Variants in CNTN5 observed in about 807,000 individuals in gnomAD.
CNTN5 encodes contactin 5.
A neutral mutation model predicts 129.1 loss-of-function variants in CNTN5; 77 were observed. The ratio of observed to expected loss-of-function variants is 0.60; its 90% CI spans 0.50 to 0.72. CNTN5 has a LOEUF of 0.72. Among genes scored for constraint, CNTN5 ranks in the 30% least tolerant of loss-of-function variants. The pLI, the probability that CNTN5 is intolerant of heterozygous loss-of-function variation, is 0.00. For synonymous variants in CNTN5, 509 were observed against 465.6 expected (o/e 1.09, Z -1.20); for missense variants, 1,478 against 1,328.8 (o/e 1.11, Z -1.75).
intron 1 of CNTN5, among the ~76,000 whole-genome samples, chr11:99,310,904 A>G (rs1214130398): frequency 6.6e-6 from 1 of 151,098 alleles, no homozygotes; most frequent in African/African-American, 2.4e-5. Flanking sequence ...CTCCTTTATT[A>G]TCTTACTGTA....
At chr11:99,856,983 T>C (rs1197898649) in intron 6 of CNTN5, among the ~76,000 whole-genome samples, 1 of 151,714 alleles carries the variant, frequency 6.6e-6, no homozygotes, top group African/African-American at 2.4e-5. Flanking sequence ...CCTCTCCCTG[T>C]TACTCCCTCC....
chr11:99,865,448 AT>A lies in CNTN5; in HGVS notation c.577+20194del, dbSNP rs540118506. Among the ~76,000 whole-genome samples the A allele has an allele frequency of 1.2e-3, 175 of 151,614 alleles. 1 individual carries two copies. Among genetic ancestry groups the A allele is most frequent in the African/African-American group, 3.5e-3 (147 of 41,434 alleles). ...ATTATAATACTATAGATTTTAATCAATTTTTTTTATTTTACCAGGAAAAAAT... is the reference window on the plus strand; with the variant it reads ...ATTATAATACTATAGATTTTAATCAATTTTTTTATTTTACCAGGAAAAAAT... On this transcript the variant is annotated intron_variant, in intron 6 of 24. Coordinates refer to ENST00000524871, the MANE Select transcript of CNTN5 (RefSeq NM_014361.4).
At chr11:100,110,128 A>C (rs554816810) in intron 13 of CNTN5, among the ~76,000 whole-genome samples, 2 of 151,814 alleles carry the variant, frequency 1.3e-5, no homozygotes, top group East Asian at 3.9e-4. Flanking sequence ...TGGAGGTTGC[A>C]GTGAGCAGAG....
intron 1 of CNTN5, among the ~76,000 whole-genome samples, chr11:99,186,688 T>C (rs1858369400): frequency 6.6e-6 from 1 of 151,954 alleles, no homozygotes; most frequent in South Asian, 2.1e-4. Flanking sequence ...GGAGATAACA[T>C]TGACAATGGG....
rs1356211830 is a variant in CNTN5 at position 99,999,818 on chromosome 11, TAC to T, written c.878-2215_878-2214del. ...GTGGCACATATACACCATGGAATAC[TAC>T]GCAGCCATAAAAAATGATGAGTTCA... On this transcript the variant is annotated intron_variant, in intron 8 of 24. Coordinates refer to ENST00000524871, the MANE Select transcript of CNTN5 (RefSeq NM_014361.4). 2.2e-4 allele frequency among the ~76,000 whole-genome samples: 33 copies of T among 152,218 alleles called. No homozygotes were observed. In the East Asian group the frequency reaches 2.7e-3, roughly 12 times the overall value.
At chr11:99,336,968 C>T (rs1866255482) in intron 2 of CNTN5, among the ~76,000 whole-genome samples, 1 of 151,872 alleles carries the variant, frequency 6.6e-6, no homozygotes, top group African/African-American at 2.4e-5. Flanking sequence ...TTACAAATGA[C>T]CATGTTCTAA....
chr11:100,345,662 T>G (rs1033573385), intron 23 of CNTN5, among the ~76,000 whole-genome samples: 12 of 152,040 alleles, frequency 7.9e-5, no homozygotes, highest in Admixed American at 3.9e-4. Flanking sequence ...TAGATGGAAT[T>G]GAACCACATA....
At chr11:99,759,788 A>G (rs117574650) in intron 3 of CNTN5, among the ~76,000 whole-genome samples, 1 of 152,082 alleles carries the variant, frequency 6.6e-6, no homozygotes, top group Non-Finnish European at 1.5e-5. Context: ...TAAAAGAAAG[A>G]AAGCATTTAA....
intron 11 of CNTN5, 85 bp from the exon 12 acceptor site, chr11:100,071,620 T>C (rs2137872178): frequency 1.9e-6 from 2 of 1,045,966 alleles, no homozygotes; most frequent in Non-Finnish European, 2.6e-6. Flanking sequence ...TGCAAACTTG[T>C]TTTTTCTTAG....
At chr11:100,271,334 T>A in intron 18 of CNTN5, 93 bp downstream of exon 18, 1 of 822,440 alleles carries the variant, frequency 1.2e-6, no homozygotes, top group Non-Finnish European at 1.8e-6. Flanking sequence ...TTGCTTGCTT[T>A]AGCATAATTT....
chr11:99,393,230 C>T (rs573186746), intron 2 of CNTN5, among the ~76,000 whole-genome samples: 1 of 151,690 alleles, frequency 6.6e-6, no homozygotes, highest in Admixed American at 6.6e-5. Context: ...ACTCAGGTTA[C>T]AGGAAGACAT....
At chr11:99,744,376 C>A (rs187316713) in intron 3 of CNTN5, among the ~76,000 whole-genome samples, 1 of 151,512 alleles carries the variant, frequency 6.6e-6, no homozygotes, top group Non-Finnish European at 1.5e-5. Context: ...CTCTTAAGGA[C>A]GTAAGACACC....
chr11:99,792,753 T>C (rs1292585593), intron 3 of CNTN5, among the ~76,000 whole-genome samples: 2 of 152,130 alleles, frequency 1.3e-5, no homozygotes, highest in Non-Finnish European at 2.9e-5. Flanking sequence ...ATCTGCCTGG[T>C]CCTGGGCATT....
rs539080077 is a variant in CNTN5, at chr11:100,107,747, C to T, written c.1580+33453C>T. On this transcript the variant is annotated intron_variant, in intron 13 of 24. Coordinates refer to ENST00000524871, the MANE Select transcript of CNTN5 (RefSeq NM_014361.4). The stretch of plus-strand genomic sequence containing the variant: ...TGTTATGAAAAATTTATGTATCAAA[C>T]GATAGAGTTTATACAAGTAAAAGAA... 2.2e-4 allele frequency among the ~76,000 whole-genome samples: 33 copies of T among 151,898 alleles called. No homozygotes were observed. In the East Asian group the frequency reaches 3.7e-3, roughly 17 times the overall value.
intron 3 of CNTN5, among the ~76,000 whole-genome samples, chr11:99,626,729 G>T (rs1049953782): frequency 1.3e-5 from 2 of 152,084 alleles, no homozygotes; most frequent in Non-Finnish European, 2.9e-5. Flanking sequence ...GTACTACGCT[G>T]TTAAGAACAT....
intron 6 of CNTN5, among the ~76,000 whole-genome samples, chr11:99,877,300 T>C (rs765394377): frequency 3.3e-5 from 5 of 152,194 alleles, no homozygotes; most frequent in African/African-American, 9.6e-5. Flanking sequence ...CTATCTTTAA[T>C]TGAACTACTC....
intron 2 of CNTN5, among the ~76,000 whole-genome samples, chr11:99,549,905 C>T (rs991744989): frequency 5.3e-5 from 8 of 152,002 alleles, no homozygotes; most frequent in Non-Finnish European, 1.0e-4. Flanking sequence ...TAAGTAATCT[C>T]GAACCATACT....
chr11:99,849,954 A>C (rs951882796), intron 6 of CNTN5, among the ~76,000 whole-genome samples: 5 of 152,094 alleles, frequency 3.3e-5, no homozygotes, highest in African/African-American at 1.2e-4. Flanking sequence ...ATCTTTTTAA[A>C]AATCTTACAT....
At chr11:99,234,261 C>T (rs551274138) in intron 1 of CNTN5, among the ~76,000 whole-genome samples, 12 of 151,612 alleles carry the variant, frequency 7.9e-5, no homozygotes, top group South Asian at 4.2e-4. Context: ...GTGTGTTGGA[C>T]GGGGACGGGG....
Sources: allele counts gnomAD v4.1 joint callset (sites outside exome capture counted in the v4.1 genomes callset), GRCh38; gene constraint gnomAD v4.1.1; transcripts MANE v1.5; gene names NCBI Gene and HGNC (gene_info 2026-07-23, HGNC 2026-07-21).